NDUFA5: variants seen among roughly 807,000 people sequenced by gnomAD.
NDUFA5 encodes NADH:ubiquinone oxidoreductase subunit A5, also known as NADH dehydrogenase [ubiquinone] 1 alpha subcomplex subunit 5.
NDUFA5 carries 11 observed loss-of-function variants against 19.8 expected under a neutral mutation model. That is an observed-to-expected ratio of 0.56 (90% CI 0.35 to 0.92). The LOEUF (loss-of-function observed/expected upper bound fraction) is 0.92, where lower values mean the gene tolerates loss of function less well. Among genes scored for constraint, NDUFA5 ranks in the 40% least tolerant of loss-of-function variants. The probability of loss-of-function intolerance (pLI) is 0.01; values close to 1 mark genes in which losing one functional copy is unlikely to be tolerated. For synonymous variants in NDUFA5, 47 were observed against 46.8 expected, an observed-to-expected ratio of 1.00 and a Z score of -0.01; for missense variants, 109 against 134.2, an observed-to-expected ratio of 0.81 and a Z score of 0.93.
the NDUFA5 span, among the ~76,000 whole-genome samples, chr7:123,564,456 G>C: frequency 1.6e-4 from 24 of 152,084 alleles, no homozygotes; most frequent in African/African-American, 5.5e-4. Context: ...CTAACCTCCT[G>C]TATTAGTCAG....
chr7:123,559,894 A>T (rs892522532), upstream of NDUFA5, among the ~76,000 whole-genome samples: 6 of 151,626 alleles, frequency 4.0e-5, no homozygotes, highest in Non-Finnish European at 7.4e-5. Flanking sequence ...AAAAGAAAAT[A>T]AAACTTCAGG....
chr7:123,561,387 G>T (rs1798685834), upstream of NDUFA5, among the ~76,000 whole-genome samples: 1 of 152,156 alleles, frequency 6.6e-6, no homozygotes, highest in Non-Finnish European at 1.5e-5. Flanking sequence ...GTTCATTCAA[G>T]AAGCAACTCA....
the NDUFA5 span, among the ~76,000 whole-genome samples, chr7:123,566,718 A>G: frequency 6.6e-6 from 1 of 152,240 alleles, no homozygotes; most frequent in Non-Finnish European, 1.5e-5. Context: ...AAACTATTAC[A>G]TTGGAATTAA....
intron 3 of NDUFA5, among the ~76,000 whole-genome samples, chr7:123,548,085 C>T (rs1206197854): frequency 6.6e-6 from 1 of 151,980 alleles, no homozygotes; most frequent in Non-Finnish European, 1.5e-5. Flanking sequence ...AGTACTATCT[C>T]CCTAGTAATA....
the NDUFA5 span, among the ~76,000 whole-genome samples, chr7:123,574,494 G>A: frequency 6.6e-6 from 1 of 152,140 alleles, no homozygotes. Flanking sequence ...AAGTTCTCAG[G>A]TGATGATAAT....
At position 123,539,989 on chromosome 7, in the gene NDUFA5, G is replaced by A. The variant is rs1797872566; in HGVS notation, c.*2130C>T. On this transcript the variant is annotated 3_prime_UTR_variant, in exon 5 of 5. Transcript: ENST00000355749. ...CATCAGTTCTAGAACCAGACTGCCT[G>A]GGTTCAAACTTCAGCTTCACATCTT... is the stretch of plus-strand genomic sequence containing the variant. 6.6e-6 allele frequency: 1 copy of A among 152,134 alleles called. No individual in the cohort carries two copies. Among genetic ancestry groups the A allele is most frequent in the South Asian group, 2.1e-4 (1 of 4,828 alleles). The allele number at this position is 152,134 out of a possible 1,614,324, so 9.4% of individuals were successfully genotyped here.
At chr7:123,550,668 A>G (rs1798303160) in intron 2 of NDUFA5, 82 bp from the exon 3 acceptor site, 1 of 843,186 alleles carries the variant, frequency 1.2e-6, no homozygotes, top group Non-Finnish European at 1.9e-6. Context: ...AAGACAAAAC[A>G]AACAAAACTC....
chr7:123,600,939 G>A, the NDUFA5 span, among the ~76,000 whole-genome samples: 1 of 152,146 alleles, frequency 6.6e-6, no homozygotes, highest in Non-Finnish European at 1.5e-5. Flanking sequence ...AGAATCACTG[G>A]CAGCAAATCC....
At chr7:123,551,445 G>C (rs969737698) in intron 2 of NDUFA5, 1 of 443,610 alleles carries the variant, frequency 2.3e-6, no homozygotes, top group Admixed American at 6.4e-5. Flanking sequence ...CTGACTTCAG[G>C]TGATCCGCCC....
the NDUFA5 span, chr7:123,598,962 A>G: frequency 2.0e-5 from 3 of 152,222 alleles, no homozygotes; most frequent in African/African-American, 7.2e-5. Flanking sequence ...AGCGTACAGC[A>G]TAGCAAAAAT....
intron 2 of NDUFA5, among the ~76,000 whole-genome samples, chr7:123,553,659 G>T (rs897762777): frequency 6.6e-6 from 1 of 152,170 alleles, no homozygotes; most frequent in African/African-American, 2.4e-5. Context: ...AACGGTTAAG[G>T]GTGTGCTAAC....
intron 2 of NDUFA5, chr7:123,556,873 GA>G (rs753942777): frequency 1.9e-6 from 1 of 514,330 alleles, no homozygotes; most frequent in Admixed American, 2.0e-5. Context: ...AGAAATTGGA[GA>G]AAATAGAGAT....
At chr7:123,601,242 T>G in the NDUFA5 span, among the ~76,000 whole-genome samples, 1 of 152,206 alleles carries the variant, frequency 6.6e-6, no homozygotes, top group Admixed American at 6.5e-5. Flanking sequence ...ATCCCAATTT[T>G]TTTGCTTGTT....
upstream of NDUFA5, among the ~76,000 whole-genome samples, chr7:123,561,923 T>A (rs943225768): frequency 3.3e-5 from 5 of 151,846 alleles, no homozygotes; most frequent in African/African-American, 1.2e-4. Flanking sequence ...TTTAATAGCA[T>A]CTAGTGTGGT....
chr7:123,597,629 C>T, the NDUFA5 span, among the ~76,000 whole-genome samples: 1 of 151,930 alleles, frequency 6.6e-6, no homozygotes, highest in East Asian at 1.9e-4. Context: ...GTCAGGAGTT[C>T]GAGACCAGCT....
At chr7:123,579,260 A>G in the NDUFA5 span, among the ~76,000 whole-genome samples, 319 of 152,184 alleles carry the variant, frequency 2.1e-3, 2 homozygotes, top group African/African-American at 7.2e-3. Context: ...GTAGTATTTC[A>G]TGGTGTAGAT....
At chr7:123,596,715 A>G in the NDUFA5 span, among the ~76,000 whole-genome samples, 1 of 152,256 alleles carries the variant, frequency 6.6e-6, no homozygotes, top group East Asian at 1.9e-4. Flanking sequence ...AATTTCTTCT[A>G]TAGTATGTAC....
chr7:123,539,787 G>A lies in NDUFA5; in HGVS notation c.*2332C>T. 6.6e-6 allele frequency: 1 copy of A among 152,170 alleles called. No individual in the cohort carries two copies. The highest frequency in any genetic ancestry group is 1.9e-4 in the East Asian group (1 of 5,194). 9.4% of individuals were successfully genotyped at this position (152,170 alleles called of 1,614,324 possible). A position where few individuals can be genotyped will look rare whatever the true frequency, so the allele number is the denominator to read the frequency against. The stretch of plus-strand genomic sequence containing the variant: ...AACATAATCTGCCTATAACCTATAT[G>A]CAGCTCTTTGCAGAAAATGAAATCG... On this transcript the variant is annotated 3_prime_UTR_variant, in exon 5 of 5. Coordinates refer to ENST00000355749, the MANE Select transcript of NDUFA5 (RefSeq NM_005000.5).
chr7:123,576,452 C>G, the NDUFA5 span, among the ~76,000 whole-genome samples: 2 of 151,922 alleles, frequency 1.3e-5, no homozygotes, highest in South Asian at 4.2e-4. Flanking sequence ...TTGCTTTTTT[C>G]TATATTTTTC....
Sources: allele counts gnomAD v4.1 joint callset (sites outside exome capture counted in the v4.1 genomes callset), GRCh38; gene constraint gnomAD v4.1.1; transcripts MANE v1.5; gene names NCBI Gene and HGNC (gene_info 2026-07-23, HGNC 2026-07-21).